Variants in ATPAF1 observed in about 807,000 individuals in gnomAD.
The protein encoded by ATPAF1 is homolog of yeast ATP11.
A neutral mutation model predicts 43.9 loss-of-function variants in ATPAF1; 26 were observed. That is an observed-to-expected ratio of 0.59 (90% CI 0.43 to 0.82). The LOEUF is 0.82. Among genes scored for constraint, ATPAF1 ranks in the 40% least tolerant of loss-of-function variants. ATPAF1 has a pLI of 0.00. For synonymous variants in ATPAF1, 157 were observed against 168.0 expected (o/e 0.93, Z 0.50); for missense variants, 366 against 435.0 (o/e 0.84, Z 1.41).
At chr1:46,665,401 C>T (rs753417367) in intron 1 of ATPAF1, 37 bp from the exon 2 acceptor site, 6 of 1,585,980 alleles carry the variant, frequency 3.8e-6, no homozygotes, top group Non-Finnish European at 5.2e-6. Context: ...ACCAACTGGG[C>T]CTTTTTGAAT....
intron 6 of ATPAF1, among the ~76,000 whole-genome samples, chr1:46,651,459 T>C (rs1676168627): frequency 6.6e-6 from 1 of 152,228 alleles, no homozygotes; most frequent in Non-Finnish European, 1.5e-5. Flanking sequence ...GCAATAAGCA[T>C]ACGTGTGCAT....
chr1:46,665,575 G>A (rs534958013), intron 1 of ATPAF1: 13 of 1,252,478 alleles, frequency 1.0e-5, no homozygotes, highest in Middle Eastern at 1.8e-4. Context: ...ATCCTCAAGG[G>A]GCCTGTGTAA....
downstream of ATPAF1, chr1:46,633,684 A>C: frequency 2.2e-6 from 1 of 455,806 alleles, no homozygotes; most frequent in South Asian, 1.6e-5. Flanking sequence ...CCATGGACAC[A>C]TCCTACTTGG....
chr1:46,641,387 C>T (rs1157601499), intron 8 of ATPAF1, among the ~76,000 whole-genome samples: 2 of 152,086 alleles, frequency 1.3e-5, no homozygotes, highest in Non-Finnish European at 2.9e-5. Flanking sequence ...CTCAACTGGA[C>T]CTTTCCCATC....
At chr1:46,646,088 C>A (rs750830631) in intron 6 of ATPAF1, among the ~76,000 whole-genome samples, 5 of 152,142 alleles carry the variant, frequency 3.3e-5, no homozygotes, top group Non-Finnish European at 5.9e-5. Flanking sequence ...GGCAGGAGGA[C>A]TGATTGAGCC....
intron 6 of ATPAF1, among the ~76,000 whole-genome samples, chr1:46,650,288 C>T (rs12097863): frequency 6.6e-6 from 1 of 151,194 alleles, no homozygotes; most frequent in Non-Finnish European, 1.5e-5. Context: ...CTTCGGGAGT[C>T]TGAGGTGGGA....
chr1:46,647,072 C>T (rs1676057063), intron 6 of ATPAF1, among the ~76,000 whole-genome samples: 1 of 152,174 alleles, frequency 6.6e-6, no homozygotes, highest in South Asian at 2.1e-4. Context: ...AACCCCAAGT[C>T]CAGGAATGCC....
chr1:46,666,018 T>G (rs530674222), intron 1 of ATPAF1: 1 of 349,268 alleles, frequency 2.9e-6, no homozygotes, highest in South Asian at 5.2e-5. Flanking sequence ...CATGGGATAT[T>G]TGGTTTTGTA....
intron 6 of ATPAF1, among the ~76,000 whole-genome samples, chr1:46,650,496 C>T (rs1676144017): frequency 6.6e-6 from 1 of 152,120 alleles, no homozygotes; most frequent in Non-Finnish European, 1.5e-5. Context: ...AGAACTACCA[C>T]ATGATCCAGC....
chr1:46,659,216 G>A (rs1369771906), intron 2 of ATPAF1, among the ~76,000 whole-genome samples: 1 of 151,866 alleles, frequency 6.6e-6, no homozygotes, highest in Non-Finnish European at 1.5e-5. Context: ...TAAATAAAAA[G>A]AAATAAAAAT....
chr1:46,658,279 C>A, intron 3 of ATPAF1, 90 bp from the exon 4 acceptor site: 1 of 1,023,758 alleles, frequency 9.8e-7, no homozygotes, highest in Non-Finnish European at 1.5e-6. Context: ...GCAAACATGT[C>A]AGGACAATGA....
At chr1:46,647,976 TTTATTA>T (rs1676074119) in intron 6 of ATPAF1, among the ~76,000 whole-genome samples, 1 of 152,258 alleles carries the variant, frequency 6.6e-6, no homozygotes, top group African/African-American at 2.4e-5. Context: ...GTCTATCCTC[TTTATTA>T]TTGAGTTATA....
At chr1:46,644,004 A>G in intron 7 of ATPAF1, among the ~76,000 whole-genome samples, 1 of 152,216 alleles carries the variant, frequency 6.6e-6, no homozygotes, top group East Asian at 1.9e-4. Flanking sequence ...CTTTTTAATT[A>G]TAAATATCCA....
At chr1:46,658,466 T>A (rs1375631984) in intron 3 of ATPAF1, among the ~76,000 whole-genome samples, 1 of 152,146 alleles carries the variant, frequency 6.6e-6, no homozygotes, top group Non-Finnish European at 1.5e-5. Flanking sequence ...TTGCAGCTGG[T>A]AAGAGGAGAA....
chr1:46,661,894 TTTC>T (rs920302286), intron 2 of ATPAF1, among the ~76,000 whole-genome samples: 7 of 142,382 alleles, frequency 4.9e-5, no homozygotes, highest in African/African-American at 8.2e-5. Context: ...GCTAAATTTC[TTTC>T]TTTTTTTTTT....
chr1:46,653,888 T>C lies in ATPAF1; in HGVS notation c.490-21A>G. Reference sequence around the variant, plus strand: ...CAAATCTGTACAAAAAAGAGAGGGGTGTCTGTGACATGTGGGTAATCTTTT... The same window carrying C: ...CAAATCTGTACAAAAAAGAGAGGGGCGTCTGTGACATGTGGGTAATCTTTT... On this transcript the variant is annotated intron_variant, in intron 4 of 8. Coordinates refer to ENST00000574428, the Ensembl canonical transcript of ATPAF1. This position sits in a 1 kb window ranked among gnomAD's most constrained non-coding sequence, Gnocchi z 4.8. 1 of 1,608,284 alleles carries C rather than the reference T, an allele frequency of 6.2e-7. No individual in the cohort carries two copies. Among genetic ancestry groups the C allele is most frequent in the Non-Finnish European group, 8.5e-7 (1 of 1,176,964 alleles).
downstream of ATPAF1, chr1:46,633,792 T>C (rs574261932): frequency 2.2e-6 from 1 of 456,264 alleles, no homozygotes; most frequent in African/African-American, 2.0e-5. Context: ...GGTGGAGGTG[T>C]ATCAATGTAC....
Position 46,653,922 on chromosome 1 carries a change from G to C in ATPAF1, c.490-55C>G. On this transcript the variant is annotated intron_variant, in intron 4 of 8. Transcript: ENST00000574428. The surrounding 1 kb of genome is among the most constrained non-coding windows in gnomAD (Gnocchi z 4.8). ...CATGTGGGTAATCTTTTCAACATGT[G>C]CCAAGAAATGGTGACAGTTTTCATT... 6.6e-7 allele frequency: 1 copy of C among 1,522,226 alleles called. No individual in the cohort carries two copies. The allele number at this position is 1,522,226 out of a possible 1,614,324, so 94.3% of individuals were successfully genotyped here.
At chr1:46,646,979 G>C (rs2148818161) in intron 6 of ATPAF1, among the ~76,000 whole-genome samples, 1 of 152,274 alleles carries the variant, frequency 6.6e-6, no homozygotes, top group East Asian at 1.9e-4. Flanking sequence ...CTTTCAGTCA[G>C]CATAACTGTT....
Sources: allele counts gnomAD v4.1 joint callset (sites outside exome capture counted in the v4.1 genomes callset), GRCh38; gene constraint gnomAD v4.1.1; non-coding constraint Gnocchi (gnomAD v3.1); transcripts MANE v1.5; gene names NCBI Gene and HGNC (gene_info 2026-07-23, HGNC 2026-07-21).